The following BRINP1 variants were observed in gnomAD, a reference collection of about 807,000 sequenced individuals.
The protein encoded by BRINP1 is BMP/retinoic acid-inducible neural-specific protein 1.
A neutral mutation model predicts 72.9 loss-of-function variants in BRINP1; 17 were observed. That is an observed-to-expected ratio of 0.23 (90% CI 0.16 to 0.35). BRINP1 has a LOEUF of 0.35. BRINP1 is among the 10% of genes least tolerant of loss of function. The pLI, the probability that BRINP1 is intolerant of heterozygous loss-of-function variation, is 1.00. For missense variants in BRINP1, 850 were observed against 1,001.6 expected (o/e 0.85, Z 2.04); for synonymous variants, 418 against 378.5 (o/e 1.10, Z -1.21).
chr9:119,369,365 G>T lies in BRINP1; in HGVS notation c.-360C>A. 2.5e-6 allele frequency: 1 copy of T among 398,028 alleles called. No homozygotes were observed. Among genetic ancestry groups the T allele is most frequent in the Non-Finnish European group, 4.4e-6 (1 of 225,792 alleles). The allele number at this position is 398,028 out of a possible 1,614,324, so 24.7% of individuals were successfully genotyped here. A position where few individuals can be genotyped will look rare whatever the true frequency, so the allele number is the denominator to read the frequency against. On this transcript the variant is annotated 5_prime_UTR_variant, in exon 1 of 8. Coordinates refer to ENST00000265922, the MANE Select transcript of BRINP1 (RefSeq NM_014618.3). The stretch of plus-strand genomic sequence containing the variant: ...CCCTCTCTCGCGGGTTCGCTCGCCT[G>T]CGCTCTCCTCCTCCCCGCGCGCCAG...
intron 3 of BRINP1, among the ~76,000 whole-genome samples, chr9:119,248,637 A>G (rs757082533): frequency 2.0e-5 from 3 of 152,230 alleles, no homozygotes; most frequent in Non-Finnish European, 4.4e-5. Context: ...CTGAAATTTA[A>G]TTATTTTCCC....
intron 1 of BRINP1, among the ~76,000 whole-genome samples, chr9:119,354,109 T>C (rs1423331819): frequency 6.6e-6 from 1 of 152,148 alleles, no homozygotes; most frequent in Non-Finnish European, 1.5e-5. Flanking sequence ...ATCATCATCA[T>C]ATCTGAAATA....
intron 6 of BRINP1, among the ~76,000 whole-genome samples, chr9:119,213,402 ATAAC>A (rs756048035): frequency 1.2e-4 from 18 of 152,254 alleles, no homozygotes; most frequent in Non-Finnish European, 2.6e-4. Context: ...AAGGCAGAAA[ATAAC>A]TAAGATACCA....
intron 2 of BRINP1, among the ~76,000 whole-genome samples, chr9:119,289,020 G>A (rs1048189109): frequency 3.9e-5 from 6 of 152,112 alleles, no homozygotes; most frequent in South Asian, 2.1e-4. Context: ...GGCTGATCTC[G>A]AACTCCTGAC....
intron 7 of BRINP1, among the ~76,000 whole-genome samples, chr9:119,196,247 G>C (rs951944312): frequency 2.0e-5 from 3 of 152,106 alleles, no homozygotes; most frequent in African/African-American, 7.2e-5. Context: ...CAGTTCTACT[G>C]AATCAAAAAC....
chr9:119,259,575 G>A (rs1035635828), intron 2 of BRINP1, among the ~76,000 whole-genome samples: 8 of 152,142 alleles, frequency 5.3e-5, no homozygotes, highest in African/African-American at 1.4e-4. Context: ...TTGTGAAAGA[G>A]CGACTCATAA....
intron 1 of BRINP1, among the ~76,000 whole-genome samples, chr9:119,367,220 T>TTATATATATATATATATATATATATA (rs1564259751): frequency 3.6e-4 from 16 of 44,784 alleles, no homozygotes; most frequent in East Asian, 7.0e-3. Flanking sequence ...TGTGTGTGAT[T>TTATATATATATATATATATATATATA]GATATATATA....
At chr9:119,348,921 T>G (rs1831475649) in intron 1 of BRINP1, among the ~76,000 whole-genome samples, 1 of 152,186 alleles carries the variant, frequency 6.6e-6, no homozygotes. Flanking sequence ...GTGGTGTAAA[T>G]GTAGCATTTC....
chr9:119,279,018 TAAG>T (rs1302822147), intron 2 of BRINP1, among the ~76,000 whole-genome samples: 1 of 151,914 alleles, frequency 6.6e-6, no homozygotes, highest in Non-Finnish European at 1.5e-5. Flanking sequence ...ATTTTATTGG[TAAG>T]AAAACTGAGG....
intron 2 of BRINP1, among the ~76,000 whole-genome samples, chr9:119,255,099 G>A (rs571218054): frequency 1.6e-4 from 25 of 152,318 alleles, no homozygotes; most frequent in African/African-American, 6.0e-4. Flanking sequence ...TAATGTAAAA[G>A]AAAATACATA....
At chr9:119,173,000 C>T (rs1182016638) in intron 7 of BRINP1, among the ~76,000 whole-genome samples, 10 of 149,124 alleles carry the variant, frequency 6.7e-5, no homozygotes, top group African/African-American at 2.3e-4. Context: ...TAAGAGCCAT[C>T]TATGACAAAC....
At chr9:119,361,802 T>G (rs1310642949) in intron 1 of BRINP1, among the ~76,000 whole-genome samples, 4 of 141,706 alleles carry the variant, frequency 2.8e-5, no homozygotes, top group African/African-American at 7.9e-5. Context: ...TTTGCATTTT[T>G]TTTTTTTTTT....
intron 1 of BRINP1, among the ~76,000 whole-genome samples, chr9:119,367,316 G>C (rs554979279): frequency 1.3e-5 from 2 of 149,410 alleles, no homozygotes; most frequent in South Asian, 4.3e-4. Context: ...GGGCTTTTCA[G>C]CGGCCCCTCC....
At chr9:119,186,263 T>C (rs949781006) in intron 7 of BRINP1, among the ~76,000 whole-genome samples, 41 of 152,126 alleles carry the variant, frequency 2.7e-4, no homozygotes, top group Admixed American at 3.9e-4. Context: ...AATGAAGCTT[T>C]GGCCAGGGAA....
At position 119,208,939 on chromosome 9, in the gene BRINP1, C is replaced by T. The variant is rs773842012; in HGVS notation, c.925G>A (p.Glu309Lys). The T allele has an allele frequency of 6.2e-7, 1 of 1,612,900 alleles. No homozygotes were observed. Among genetic ancestry groups the T allele is most frequent in the Non-Finnish European group, 8.5e-7 (1 of 1,178,942 alleles). Residue 309 changes from glutamate to lysine, a missense_variant and splice_region_variant, in exon 7 of 8, where the codon GAG becomes AAG. Coordinates refer to ENST00000265922, the MANE Select transcript of BRINP1 (RefSeq NM_014618.3). ...EAYKDLENSD[E>K]FKSFMKRLPS... is the part of the protein sequence containing the mutation. ...AGGCGCTTCATAAATGATTTAAACTCATCTAGTGAGAGACAAAGGCCGAGA... is the reference window on the plus strand; with the variant it reads ...AGGCGCTTCATAAATGATTTAAACTTATCTAGTGAGAGACAAAGGCCGAGA...
intron 1 of BRINP1, among the ~76,000 whole-genome samples, chr9:119,323,764 G>A (rs1281190664): frequency 1.3e-5 from 2 of 152,228 alleles, no homozygotes; most frequent in African/African-American, 2.4e-5. Flanking sequence ...CAAACTTTAT[G>A]CCTTGAAGAA....
At chr9:119,290,891 G>A (rs1830814902) in intron 2 of BRINP1, among the ~76,000 whole-genome samples, 1 of 152,162 alleles carries the variant, frequency 6.6e-6, no homozygotes, top group Non-Finnish European at 1.5e-5. Context: ...GGGAGGCCGA[G>A]GCGGGCAGAT....
chr9:119,355,492 G>A (rs1405949192), intron 1 of BRINP1, among the ~76,000 whole-genome samples: 2 of 152,146 alleles, frequency 1.3e-5, no homozygotes. Context: ...ACTTTGGGAG[G>A]CCAAGGTGGG....
chr9:119,269,591 T>G (rs1438348530), intron 2 of BRINP1, among the ~76,000 whole-genome samples: 1 of 152,222 alleles, frequency 6.6e-6, no homozygotes, highest in East Asian at 1.9e-4. Flanking sequence ...TTCAAATACC[T>G]TAGTTTAATC....
Sources: allele counts gnomAD v4.1 joint callset (sites outside exome capture counted in the v4.1 genomes callset), GRCh38; gene constraint gnomAD v4.1.1; transcripts MANE v1.5; gene names NCBI Gene and HGNC (gene_info 2026-07-23, HGNC 2026-07-21).